Variants in VAT1L observed in about 807,000 individuals in gnomAD.
VAT1L encodes putative NADPH-dependent quinone oxidoreductase VAT1L.
Under a neutral mutation model 44.1 loss-of-function variants are expected in VAT1L, and 34 were observed. That is an observed-to-expected ratio of 0.77 (90% CI 0.59 to 1.03). VAT1L has a LOEUF of 1.03. VAT1L is among the 50% of genes least tolerant of loss of function. The probability of loss-of-function intolerance (pLI) is 0.00; values close to 1 mark genes in which losing one functional copy is unlikely to be tolerated. For missense variants in VAT1L, 615 were observed against 538.8 expected (o/e 1.14, Z -1.40); for synonymous variants, 253 against 202.2 (o/e 1.25, Z -2.13).
intron 7 of VAT1L, among the ~76,000 whole-genome samples, chr16:77,886,226 T>G (rs2017207857): frequency 6.6e-6 from 1 of 152,216 alleles, no homozygotes; most frequent in African/African-American, 2.4e-5. Context: ...CCTATTGCTA[T>G]AATTTTCTTT....
In VAT1L at chr16:77,932,102, A is replaced by ATTTT. The variant is rs33928206; in HGVS notation, c.1078-39732_1078-39729dup. Among the ~76,000 whole-genome samples, 13 of 126,604 alleles carry ATTTT rather than the reference A, an allele frequency of 1.0e-4. 2 individuals are homozygous for ATTTT. Among genetic ancestry groups the ATTTT allele is most frequent in the Non-Finnish European group, 1.3e-4 (8 of 62,286 alleles). 83.1% of individuals were successfully genotyped at this position (126,604 alleles called of 152,430 possible). A position where few individuals can be genotyped will look rare whatever the true frequency, so the allele number is the denominator to read the frequency against. On this transcript the variant is annotated intron_variant, in intron 7 of 8. Transcript: ENST00000302536. ...CATTATATAAGCCTGAAATACAGTA[A>ATTTT]TTTTTTTTTTTTTTTTTTTGAGATG...
intron 7 of VAT1L, among the ~76,000 whole-genome samples, chr16:77,939,218 ACG>A (rs767175960): frequency 2.0e-5 from 3 of 152,190 alleles, no homozygotes; most frequent in Admixed American, 6.5e-5. Context: ...GTAGGACTAA[ACG>A]CTTAACCAAT....
chr16:77,876,573 T>A, intron 5 of VAT1L, 100 bp downstream of exon 5: 1 of 1,012,156 alleles, frequency 9.9e-7, no homozygotes, highest in Non-Finnish European at 1.5e-6. Flanking sequence ...TATGTTGGGG[T>A]AGTGGGATGG....
intron 3 of VAT1L, among the ~76,000 whole-genome samples, chr16:77,843,315 G>A (rs912470070): frequency 2.0e-4 from 30 of 152,038 alleles, no homozygotes; most frequent in Admixed American, 1.8e-3. Flanking sequence ...AGCTCATGGG[G>A]CTGGCAGGGT....
chr16:77,866,277 A>G (rs1437224638), intron 4 of VAT1L, among the ~76,000 whole-genome samples: 1 of 152,246 alleles, frequency 6.6e-6, no homozygotes, highest in Non-Finnish European at 1.5e-5. Flanking sequence ...ATTCAGAACA[A>G]GCCCCTACAA....
At chr16:77,942,521 A>T (rs2017900736) in intron 7 of VAT1L, among the ~76,000 whole-genome samples, 1 of 152,168 alleles carries the variant, frequency 6.6e-6, no homozygotes, top group Non-Finnish European at 1.5e-5. Context: ...TGCTGGGTCA[A>T]ATGGTAGTTC....
chr16:77,906,855 A>C (rs1476114336), intron 7 of VAT1L, among the ~76,000 whole-genome samples: 1 of 152,236 alleles, frequency 6.6e-6, no homozygotes, highest in Non-Finnish European at 1.5e-5. Flanking sequence ...GAAGTTGATC[A>C]AAGTCTGTGT....
At chr16:77,841,430 C>A (rs2016704466) in intron 3 of VAT1L, among the ~76,000 whole-genome samples, 1 of 152,224 alleles carries the variant, frequency 6.6e-6, no homozygotes, top group African/African-American at 2.4e-5. Context: ...ATATAACTCT[C>A]TCATCGGGCA....
At chr16:77,922,760 G>A (rs16946825) in intron 7 of VAT1L, among the ~76,000 whole-genome samples, 14,362 of 152,140 alleles carry the variant, frequency 0.094, 815 homozygotes, top group African/African-American at 0.15. Flanking sequence ...GGATAAAAAC[G>A]GTGAGGAACA....
chr16:77,912,324 A>T (rs371436007), intron 7 of VAT1L, among the ~76,000 whole-genome samples: 1 of 152,374 alleles, frequency 6.6e-6, no homozygotes, highest in South Asian at 2.1e-4. Context: ...AGTCTTTCAT[A>T]TAATATGAGT....
chr16:77,844,688 C>T (rs1344256797), intron 3 of VAT1L, among the ~76,000 whole-genome samples: 1 of 152,058 alleles, frequency 6.6e-6, no homozygotes. Context: ...GGATTACAGG[C>T]GTGAGCCACC....
intron 3 of VAT1L, among the ~76,000 whole-genome samples, chr16:77,834,505 A>G (rs1289869372): frequency 6.6e-6 from 1 of 152,114 alleles, no homozygotes; most frequent in Non-Finnish European, 1.5e-5. Flanking sequence ...GAGATCCTCT[A>G]TGATCTCTCT....
intron 7 of VAT1L, among the ~76,000 whole-genome samples, chr16:77,907,416 G>A (rs2017449117): frequency 6.6e-6 from 1 of 152,130 alleles, no homozygotes; most frequent in South Asian, 2.1e-4. Flanking sequence ...AGAACATTGA[G>A]AATTTTTTGC....
At chr16:77,934,123 T>G (rs1240973186) in intron 7 of VAT1L, among the ~76,000 whole-genome samples, 1 of 152,172 alleles carries the variant, frequency 6.6e-6, no homozygotes, top group African/African-American at 2.4e-5. Context: ...GTAGCCTGGA[T>G]AAGACTGTTC....
chr16:77,909,577 C>CA (rs2017476038), intron 7 of VAT1L, among the ~76,000 whole-genome samples: 1 of 143,144 alleles, frequency 7.0e-6, no homozygotes, highest in Non-Finnish European at 1.5e-5. Flanking sequence ...GCAGAGGTTG[C>CA]AGTGAGCTGA....
intron 7 of VAT1L, among the ~76,000 whole-genome samples, chr16:77,901,089 C>T (rs995052588): frequency 2.0e-5 from 3 of 149,880 alleles, no homozygotes; most frequent in Admixed American, 6.6e-5. Context: ...CAGATGGCTC[C>T]GAGGTGGGGC....
chr16:77,934,332 T>G (rs544954306), intron 7 of VAT1L, among the ~76,000 whole-genome samples: 2 of 152,194 alleles, frequency 1.3e-5, no homozygotes, highest in Admixed American at 1.3e-4. Flanking sequence ...ATGACCCTGT[T>G]CTAATCCCTT....
At chr16:77,946,828 C>T (rs559305645) in intron 7 of VAT1L, among the ~76,000 whole-genome samples, 5 of 152,304 alleles carry the variant, frequency 3.3e-5, no homozygotes, top group African/African-American at 1.2e-4. Flanking sequence ...AGCCACCCCT[C>T]TGGGATCAGT....
intron 7 of VAT1L, among the ~76,000 whole-genome samples, chr16:77,916,265 G>A (rs998669141): frequency 7.2e-5 from 11 of 152,122 alleles, no homozygotes; most frequent in Non-Finnish European, 1.3e-4. Flanking sequence ...GCAAAGAAGT[G>A]TCCTTGGAAA....
Sources: allele counts gnomAD v4.1 joint callset (sites outside exome capture counted in the v4.1 genomes callset), GRCh38; gene constraint gnomAD v4.1.1; transcripts MANE v1.5; gene names NCBI Gene and HGNC (gene_info 2026-07-23, HGNC 2026-07-21).